Variants in CCDC171 observed in about 807,000 individuals in gnomAD.
CCDC171 encodes the protein coiled-coil domain containing 171.
A neutral mutation model predicts 168.2 loss-of-function variants in CCDC171; 177 were observed. That is an observed-to-expected ratio of 1.05 (90% CI 0.93 to 1.19). CCDC171 has a LOEUF of 1.19. CCDC171 is among the 50% of genes most tolerant of loss of function. The pLI is 0.00. For synonymous variants in CCDC171, 687 were observed against 540.8 expected (o/e 1.27, Z -3.75); for missense variants, 1,991 against 1,539.0 (o/e 1.29, Z -4.91).
intron 6 of CCDC171, among the ~76,000 whole-genome samples, chr9:15,595,949 T>TTGAGAAG (rs1306678614): frequency 3.9e-5 from 6 of 152,214 alleles, no homozygotes; most frequent in African/African-American, 1.4e-4. Flanking sequence ...ATGTCTTCTT[T>TTGAGAAG]TGAGAAGTGT....
At chr9:15,754,373 C>T (rs1379327526) in intron 18 of CCDC171, among the ~76,000 whole-genome samples, 1 of 152,040 alleles carries the variant, frequency 6.6e-6, no homozygotes, top group Non-Finnish European at 1.5e-5. Flanking sequence ...AAGATATTAT[C>T]TTCCTCCTGG....
rs201649181 is a variant in CCDC171 at position 15,821,221 on chromosome 9, C to G, written c.3268-25481C>G. Among the ~76,000 whole-genome samples the G allele has an allele frequency of 1.6e-4, 19 of 117,254 alleles. 3 individuals are homozygous for G. The highest frequency in any genetic ancestry group is 5.8e-4 in the African/African-American group (18 of 31,212). The allele number at this position is 117,254 out of a possible 152,430, so 76.9% of individuals were successfully genotyped here. On this transcript the variant is annotated intron_variant, in intron 21 of 25. Coordinates refer to ENST00000380701, the MANE Select transcript of CCDC171 (RefSeq NM_173550.4). ...AAGAGCTATCTATGACAGACCCACA[C>G]CCAGTATCATACTGAATGGACAAAA...
At chr9:15,762,531 G>A (rs1564362971) in intron 18 of CCDC171, among the ~76,000 whole-genome samples, 1 of 152,066 alleles carries the variant, frequency 6.6e-6, no homozygotes, top group Non-Finnish European at 1.5e-5. Context: ...AAATACAAAT[G>A]TTCCTTAGGC....
At chr9:15,603,774 G>C (rs566666955) in intron 6 of CCDC171, among the ~76,000 whole-genome samples, 1 of 151,976 alleles carries the variant, frequency 6.6e-6, no homozygotes, top group East Asian at 2.0e-4. Context: ...ACCTATTAAT[G>C]GGATTGCTGG....
At chr9:15,754,438 G>T (rs1213100339) in intron 18 of CCDC171, among the ~76,000 whole-genome samples, 3 of 151,978 alleles carry the variant, frequency 2.0e-5, no homozygotes, top group Admixed American at 6.6e-5. Context: ...ATAATACCTG[G>T]CAGTTGGTGG....
Position 15,895,747 on chromosome 9 carries a change from A to G in CCDC171, c.3600+21084A>G, listed in dbSNP as rs1029550218. Among the ~76,000 whole-genome samples, 3 of 152,230 alleles carry G rather than the reference A, an allele frequency of 2.0e-5. No individual in the cohort carries two copies. In the East Asian group the frequency reaches 5.8e-4, roughly 29 times the overall value. Reference sequence around the variant, plus strand: ...CACAATTCTGCTTTAGTCACTAACCAAGCAACTTCCAGTTTATCAGACCTT... The same window carrying G: ...CACAATTCTGCTTTAGTCACTAACCGAGCAACTTCCAGTTTATCAGACCTT... On this transcript the variant is annotated intron_variant, in intron 24 of 25. Transcript: ENST00000380701.
At chr9:15,901,616 A>T (rs906013980) in intron 24 of CCDC171, among the ~76,000 whole-genome samples, 7 of 152,196 alleles carry the variant, frequency 4.6e-5, no homozygotes, top group African/African-American at 1.7e-4. Context: ...GCCATTAATT[A>T]TACAAGATAA....
At chr9:16,083,131 A>C in the CCDC171 span, among the ~76,000 whole-genome samples, 6 of 152,204 alleles carry the variant, frequency 3.9e-5, no homozygotes, top group Admixed American at 2.6e-4. Flanking sequence ...AAATCTGAGC[A>C]ATTAGATAGG....
At chr9:16,006,558 T>G (rs935926459) in intron 3 of CCDC171, among the ~76,000 whole-genome samples, 17 of 152,150 alleles carry the variant, frequency 1.1e-4, no homozygotes, top group Admixed American at 9.8e-4. Flanking sequence ...ATTAGGTATC[T>G]CTCCTAATGC....
At chr9:15,630,341 C>G (rs1373130408) in intron 7 of CCDC171, among the ~76,000 whole-genome samples, 1 of 151,866 alleles carries the variant, frequency 6.6e-6, no homozygotes, top group Non-Finnish European at 1.5e-5. Flanking sequence ...ATCTACCAAG[C>G]AAATGGAAAA....
At chr9:15,796,513 A>G (rs1439561561) in intron 21 of CCDC171, among the ~76,000 whole-genome samples, 3 of 152,244 alleles carry the variant, frequency 2.0e-5, no homozygotes, top group African/African-American at 4.8e-5. Context: ...ACTTAATTCA[A>G]AATAACTTAA....
chr9:15,675,011 C>G (rs940001835), intron 9 of CCDC171, among the ~76,000 whole-genome samples: 12 of 152,028 alleles, frequency 7.9e-5, no homozygotes, highest in Non-Finnish European at 1.8e-4. Flanking sequence ...CTTTGTAGGT[C>G]TCTAAGGACT....
At chr9:15,999,243 GAAAA>G (rs1832463335) in intron 3 of CCDC171, among the ~76,000 whole-genome samples, 1 of 144,568 alleles carries the variant, frequency 6.9e-6, no homozygotes, top group South Asian at 2.2e-4. Flanking sequence ...AAGATAGAAA[GAAAA>G]GAAAGAAAGA....
intron 24 of CCDC171, among the ~76,000 whole-genome samples, chr9:15,880,723 G>C (rs907577763): frequency 2.0e-5 from 3 of 148,458 alleles, no homozygotes; most frequent in Non-Finnish European, 4.4e-5. Flanking sequence ...TGATTCACCC[G>C]CCTCAGCCTC....
Position 15,657,130 on chromosome 9 carries a change from A to G in CCDC171, c.826A>G (p.Thr276Ala), listed in dbSNP as rs1375984125. Residue 276 changes from threonine (T) to alanine (A), a missense_variant, in exon 8 of 26, where the codon ACT (threonine) becomes GCT (alanine). Coordinates refer to ENST00000380701, the MANE Select transcript of CCDC171 (RefSeq NM_173550.4). ...TAAACTTTTAATTTGTTTTCAGGCA[A>G]CTACTCTAAGAGTGAGGAAATTAGA... ...EERLRKEFEA[T>A]TLRVRKLEEN... 9 of 1,576,204 alleles carry G rather than the reference A, an allele frequency of 5.7e-6. No homozygotes were observed. Among genetic ancestry groups the G allele is most frequent in the African/African-American group, 1.4e-5 (1 of 73,252 alleles).
chr9:15,949,384 T>C (rs1187266321), intron 25 of CCDC171, among the ~76,000 whole-genome samples: 1 of 152,226 alleles, frequency 6.6e-6, no homozygotes, highest in Non-Finnish European at 1.5e-5. Flanking sequence ...TTGATGGGTA[T>C]GGCATTGAAT....
intron 24 of CCDC171, among the ~76,000 whole-genome samples, chr9:15,919,225 A>C (rs968822414): frequency 3.3e-5 from 5 of 151,576 alleles, no homozygotes; most frequent in East Asian, 3.9e-4. Flanking sequence ...AAAAGGTCTG[A>C]ATTTTCTTAC....
chr9:15,749,147 A>G (rs1240445371), intron 18 of CCDC171, among the ~76,000 whole-genome samples: 1 of 151,866 alleles, frequency 6.6e-6, no homozygotes, highest in Non-Finnish European at 1.5e-5. Flanking sequence ...GGAAAGCAAA[A>G]AAAAAAAAAG....
upstream of CCDC171, among the ~76,000 whole-genome samples, chr9:16,042,424 C>G (rs1833587693): frequency 6.6e-6 from 1 of 152,190 alleles, no homozygotes; most frequent in South Asian, 2.1e-4. Flanking sequence ...TGGGTAGGAC[C>G]AGCTTCAGGA....
Sources: gnomAD v4.1 joint callset for allele counts (sites outside exome capture counted in the v4.1 genomes callset) on GRCh38, gnomAD v4.1.1 for gene constraint, MANE v1.5 for transcripts, NCBI Gene and HGNC (gene_info 2026-07-23, HGNC 2026-07-21) for gene names.